MARK4: variants seen among roughly 807,000 people sequenced by gnomAD.
MARK4 encodes the protein microtubule affinity regulating kinase 4, also known as MAP/microtubule affinity-regulating kinase 4.
Under a neutral mutation model 81.5 loss-of-function variants are expected in MARK4, and 19 were observed. That is an observed-to-expected ratio of 0.23 (90% confidence interval 0.16 to 0.34). MARK4 has a LOEUF of 0.34. Ranked by LOEUF, MARK4 falls within the 10% of genes least tolerant of loss-of-function variation. The probability of loss-of-function intolerance (pLI) is 1.00; values close to 1 mark genes in which losing one functional copy is unlikely to be tolerated. For synonymous variants in MARK4, 436 were observed against 439.0 expected (o/e 0.99, Z 0.08); for missense variants, 772 against 1,058.8 (o/e 0.73, Z 3.76).
At chr19:45,296,385 A>G (rs1205932091) in intron 14 of MARK4, among the ~76,000 whole-genome samples, 1 of 152,268 alleles carries the variant, frequency 6.6e-6, no homozygotes, top group Non-Finnish European at 1.5e-5. Flanking sequence ...TCCAGCCCCA[A>G]AATGAGTTTC....
At chr19:45,280,763 C>T in intron 12 of MARK4, 29 bp downstream of exon 12, 1 of 1,610,358 alleles carries the variant, frequency 6.2e-7, no homozygotes, top group Non-Finnish European at 8.5e-7. Flanking sequence ...CCCTCACGCA[C>T]CCTCCTTCTC....
Position 45,280,748 on chromosome 19 carries a change from C to G in MARK4, c.1276+14C>G, listed in dbSNP as rs1220478751. 3 of 1,613,486 alleles carry G rather than the reference C, an allele frequency of 1.9e-6. No homozygotes were observed. Among genetic ancestry groups the G allele is most frequent in the South Asian group, 1.1e-5 (1 of 91,068 alleles). ...ATAGCGATTTCTGTGAGTATCAACC[C>G]CACGCCCTCACGCACCCTCCTTCTC... On this transcript the variant is annotated intron_variant, in intron 12 of 16. Transcript: ENST00000262891.
chr19:45,283,461 C>T (rs1400341704), intron 12 of MARK4, among the ~76,000 whole-genome samples: 1 of 151,454 alleles, frequency 6.6e-6, no homozygotes, highest in Non-Finnish European at 1.5e-5. Context: ...CCCTTCCACC[C>T]TCAGCTACTA....
intron 10 of MARK4, among the ~76,000 whole-genome samples, chr19:45,279,631 C>T (rs889259666): frequency 6.6e-6 from 1 of 152,110 alleles, no homozygotes; most frequent in African/African-American, 2.4e-5. Flanking sequence ...TATGAAATTG[C>T]CATTTTTTTG....
rs1302287085 is a variant in MARK4, at chr19:45,280,745, A to G, written c.1276+11A>G. 8 of 1,613,364 alleles carry G rather than the reference A, an allele frequency of 5.0e-6. No homozygotes were observed. Among genetic ancestry groups the G allele is most frequent in the Non-Finnish European group, 6.8e-6 (8 of 1,179,688 alleles). ...GGCATAGCGATTTCTGTGAGTATCA[A>G]CCCCACGCCCTCACGCACCCTCCTT... On this transcript the variant is annotated intron_variant, in intron 12 of 16. Transcript: ENST00000262891.
chr19:45,252,523 C>T (rs1489285310), intron 1 of MARK4, among the ~76,000 whole-genome samples: 1 of 151,064 alleles, frequency 6.6e-6, no homozygotes, highest in Non-Finnish European at 1.5e-5. Flanking sequence ...CTAGGCCAAA[C>T]TCAGACCCCT....
At position 45,280,677 on chromosome 19, in the gene MARK4, A is replaced by G. The variant is rs1970662363; in HGVS notation, c.1219A>G (p.Lys407Glu). ...TSSSKGTSHSKGQRSSSSTYH... is the reference protein window; with the variant it reads ...TSSSKGTSHSEGQRSSSSTYH... ...TTCCAGCAAAGGCACCAGCCACAGCAAAGGGCAGCGGAGTTCCTCTTCCAC... is the reference window on the plus strand; with the variant it reads ...TTCCAGCAAAGGCACCAGCCACAGCGAAGGGCAGCGGAGTTCCTCTTCCAC... Residue 407 changes from lysine to glutamate, a missense_variant, in exon 12 of 17, where the codon AAA (lysine) becomes GAA (glutamate). Transcript: ENST00000262891. The G allele has an allele frequency of 6.2e-7, 1 of 1,614,060 alleles. No individual in the cohort carries two copies. Among genetic ancestry groups the G allele is most frequent in the African/African-American group, 1.3e-5 (1 of 74,920 alleles).
Position 45,303,084 on chromosome 19 carries a change from G to A in MARK4, c.*374G>A, listed in dbSNP as rs1336572656. ...GGGCAGGGGCAGGGAGAGCTGCTGA[G>A]CCTAAAGACTGGAGAATCTGGGGGA... On this transcript the variant is annotated 3_prime_UTR_variant, in exon 17 of 17. Transcript: ENST00000262891. 1 of 254,590 alleles carries A rather than the reference G, an allele frequency of 3.9e-6. No individual in the cohort carries two copies. The allele number at this position is 254,590 out of a possible 1,614,324, so 15.8% of individuals were successfully genotyped here.
At chr19:45,268,851 C>A (rs943656866) in intron 7 of MARK4, among the ~76,000 whole-genome samples, 1 of 152,160 alleles carries the variant, frequency 6.6e-6, no homozygotes, top group South Asian at 2.1e-4. Flanking sequence ...CAAGTGCTAA[C>A]CCTCTCTTCA....
At chr19:45,290,554 C>T (rs577143542) in intron 13 of MARK4, among the ~76,000 whole-genome samples, 101 of 152,350 alleles carry the variant, frequency 6.6e-4, no homozygotes, top group Middle Eastern at 3.4e-3. Flanking sequence ...CGGCTTTGAC[C>T]AGCCTTGACT....
intron 16 of MARK4, among the ~76,000 whole-genome samples, chr19:45,300,344 GAAAAAAAAAAAA>G (rs745730201): frequency 4.3e-4 from 14 of 32,338 alleles, no homozygotes; most frequent in African/African-American, 4.8e-4. Context: ...AACTCCGTCT[GAAAAAAAAAAAA>G]AAAAAAAAAA....
rs567772230 is a variant in MARK4 at position 45,264,643 on chromosome 19, C to A, written c.356-41C>A. ...TTACTGAGGACAGGTTAGGAGGGGC[C>A]CTTTCTCCCTAATGCCCTACACTGT... On this transcript the variant is annotated intron_variant, in intron 4 of 16. Coordinates refer to ENST00000262891, the MANE Select transcript of MARK4 (RefSeq NM_001199867.2). 4 of 1,593,450 alleles carry A rather than the reference C, an allele frequency of 2.5e-6. No homozygotes were observed. The South Asian group carries it at 4.4e-5, about 18-fold the overall frequency.
rs1345218772 is a variant in MARK4, at chr19:45,304,499, C to T, written c.*1789C>T. The stretch of plus-strand genomic sequence containing the variant: ...AGGGCGGAGCTTATTCACACAGCAC[C>T]TTTGGGGCCAAAATGAATAAGCTGG... On this transcript the variant is annotated 3_prime_UTR_variant, in exon 17 of 17. Transcript: ENST00000262891. 2.0e-5 allele frequency: 3 copies of T among 152,190 alleles called. No homozygotes were observed. Among genetic ancestry groups the T allele is most frequent in the Non-Finnish European group, 2.9e-5 (2 of 68,044 alleles). The allele number at this position is 152,190 out of a possible 1,614,324, so 9.4% of individuals were successfully genotyped here.
At chr19:45,272,053 C>T (rs1475699551) in intron 8 of MARK4, among the ~76,000 whole-genome samples, 7 of 152,102 alleles carry the variant, frequency 4.6e-5, no homozygotes, top group South Asian at 4.1e-4. Flanking sequence ...CCTGCTTGGC[C>T]GGGTGCGGTG....
Position 45,302,190 on chromosome 19 carries a change from G to A in MARK4, c.1923-184G>A, listed in dbSNP as rs1970984240. Among the ~76,000 whole-genome samples, 1 of 152,240 alleles carries A rather than the reference G, an allele frequency of 6.6e-6. No homozygotes were observed. The highest frequency in any genetic ancestry group is 6.5e-5 in the Admixed American group (1 of 15,286). ...TCACACCTGGTTGCAAGGGAGGCTGGAAAGTGTGGTCTCTAGCTGGGCAGC... is the reference window on the plus strand; with the variant it reads ...TCACACCTGGTTGCAAGGGAGGCTGAAAAGTGTGGTCTCTAGCTGGGCAGC... On this transcript the variant is annotated intron_variant, in intron 16 of 16. Transcript: ENST00000262891. This position sits in a 1 kb window ranked among gnomAD's most constrained non-coding sequence, Gnocchi z 4.9.
intron 13 of MARK4, among the ~76,000 whole-genome samples, chr19:45,292,994 G>A (rs142203412): frequency 0.014 from 2,110 of 151,350 alleles, 37 homozygotes; most frequent in African/African-American, 0.049. Context: ...CAGTCTGGGC[G>A]TGGTGGCTCA....
chr19:45,278,714 G>A (rs1015087982), intron 10 of MARK4, 99 bp downstream of exon 10: 9 of 923,856 alleles, frequency 9.7e-6, no homozygotes, highest in Non-Finnish European at 1.5e-5. Context: ...AGAGATTCTT[G>A]TGCCTCAGCC....
chr19:45,281,864 A>G (rs903862625), intron 12 of MARK4, among the ~76,000 whole-genome samples: 2 of 152,166 alleles, frequency 1.3e-5, no homozygotes, highest in Non-Finnish European at 2.9e-5. Flanking sequence ...AGCTGGGCGG[A>G]CAGCTGATTA....
intron 1 of MARK4, among the ~76,000 whole-genome samples, chr19:45,255,071 G>A (rs1309294441): frequency 1.3e-5 from 2 of 152,112 alleles, no homozygotes; most frequent in Non-Finnish European, 2.9e-5. Flanking sequence ...GTGTGGTGGT[G>A]CACTCCTGTG....
Sources: gnomAD v4.1 joint callset for allele counts (sites outside exome capture counted in the v4.1 genomes callset) on GRCh38, gnomAD v4.1.1 for gene constraint, Gnocchi (gnomAD v3.1) non-coding constraint, MANE v1.5 for transcripts, NCBI Gene and HGNC (gene_info 2026-07-23, HGNC 2026-07-21) for gene names.